Variants in OXR1 observed in about 807,000 individuals in gnomAD.
OXR1 encodes the protein oxidation resistance protein 1.
A neutral mutation model predicts 104.6 loss-of-function variants in OXR1; 41 were observed. That is an observed-to-expected ratio of 0.39 (90% CI 0.31 to 0.51). OXR1 has a LOEUF of 0.51. Ranked by LOEUF, OXR1 falls within the 20% of genes least tolerant of loss-of-function variation. The probability of loss-of-function intolerance (pLI) is 0.77; values close to 1 mark genes in which losing one functional copy is unlikely to be tolerated. For missense variants in OXR1, 955 were observed against 1,031.9 expected (o/e 0.93, Z 1.02); for synonymous variants, 348 against 348.4 (o/e 1.00, Z 0.01).
chr8:106,479,524 A>G (rs1048691118), intron 2 of OXR1, among the ~76,000 whole-genome samples: 1 of 152,008 alleles, frequency 6.6e-6, no homozygotes, highest in African/African-American at 2.4e-5. Flanking sequence ...GCACTATTGC[A>G]TCATTGCTCC....
intron 2 of OXR1, among the ~76,000 whole-genome samples, chr8:106,494,661 A>G (rs1442309332): frequency 2.0e-5 from 3 of 152,312 alleles, no homozygotes; most frequent in South Asian, 2.1e-4. Flanking sequence ...AGTGCTTCTC[A>G]TTTATATATA....
chr8:106,427,817 TG>T (rs1383167576), intron 2 of OXR1, among the ~76,000 whole-genome samples: 1 of 152,118 alleles, frequency 6.6e-6, no homozygotes, highest in Non-Finnish European at 1.5e-5. Flanking sequence ...GTCGGACACC[TG>T]GGGGCACATG....
At chr8:106,512,022 C>T (rs1812564437) in intron 2 of OXR1, among the ~76,000 whole-genome samples, 1 of 152,134 alleles carries the variant, frequency 6.6e-6, no homozygotes, top group African/African-American at 2.4e-5. Flanking sequence ...AATGAATGTT[C>T]ATGTTTGCTT....
At chr8:106,571,963 G>C (rs964348459) in intron 3 of OXR1, among the ~76,000 whole-genome samples, 12 of 152,288 alleles carry the variant, frequency 7.9e-5, no homozygotes, top group African/African-American at 2.6e-4. Context: ...CCTCCAGGTA[G>C]AGATGGCAAT....
chr8:106,730,250 A>C (rs1331690785), intron 11 of OXR1, among the ~76,000 whole-genome samples: 1 of 152,110 alleles, frequency 6.6e-6, no homozygotes, highest in Admixed American at 6.5e-5. Context: ...TGTCATGCAG[A>C]GTCTATAGTT....
chr8:106,525,440 C>A (rs191705121), intron 3 of OXR1, among the ~76,000 whole-genome samples: 2 of 152,220 alleles, frequency 1.3e-5, no homozygotes, highest in Admixed American at 1.3e-4. Flanking sequence ...CTGTTTACCC[C>A]TCACCATAAG....
chr8:106,371,327 G>A (rs922514900), intron 2 of OXR1, among the ~76,000 whole-genome samples: 6 of 150,828 alleles, frequency 4.0e-5, no homozygotes, highest in Non-Finnish European at 7.4e-5. Flanking sequence ...TATTTTGTTA[G>A]TTTTTTCAAA....
chr8:106,596,688 G>C (rs1006881946), intron 3 of OXR1, among the ~76,000 whole-genome samples: 1 of 152,012 alleles, frequency 6.6e-6, no homozygotes, highest in Admixed American at 6.6e-5. Flanking sequence ...TTTTTTAATT[G>C]ACTTTCCCAC....
intron 1 of OXR1, among the ~76,000 whole-genome samples, chr8:106,289,837 G>A (rs1282206413): frequency 2.0e-5 from 3 of 152,040 alleles, no homozygotes; most frequent in Admixed American, 6.6e-5. Context: ...CTGAATCATC[G>A]GGGCTGTTAC....
At position 106,279,731 on chromosome 8, in the gene OXR1, A is replaced by G. The variant is rs571875912; in HGVS notation, c.-139+9364A>G. Among the ~76,000 whole-genome samples the G allele has an allele frequency of 3.9e-5, 6 of 152,330 alleles. No individual in the cohort carries two copies. In the South Asian group the frequency reaches 1.2e-3, roughly 32 times the overall value. ...ATAGTAGTAAGTCCAAATAAGGTAA[A>G]TCTTAAAACAAAACAGAACAAAACT... On this transcript the variant is annotated intron_variant, in intron 1 of 16. Transcript: ENST00000517566.
intron 3 of OXR1, among the ~76,000 whole-genome samples, chr8:106,604,201 C>G (rs1820189858): frequency 6.6e-6 from 1 of 152,126 alleles, no homozygotes; most frequent in Admixed American, 6.5e-5. Flanking sequence ...CTTTTGAAAC[C>G]CCTAACTAAT....
At chr8:106,598,722 G>T (rs918005436) in intron 3 of OXR1, among the ~76,000 whole-genome samples, 1 of 152,182 alleles carries the variant, frequency 6.6e-6, no homozygotes, top group African/African-American at 2.4e-5. Context: ...TAATTTTGAA[G>T]TGATTAATAT....
rs772418097 is a variant in OXR1 at position 106,692,756 on chromosome 8, C to T, written c.554C>T (p.Thr185Ile). Residue 185 changes from threonine (T) to isoleucine (I), a missense_variant, in exon 7 of 17, where the codon ACT becomes ATT. Thr to Ile is a moderately conservative substitution (Grantham distance 89). Coordinates refer to ENST00000517566, the MANE Select transcript of OXR1 (RefSeq NM_001198533.2). Reference sequence around the variant, plus strand: ...CCTGATGTCCATCCAACAGAAGCAACTCCCTCATCTACTTTCACTGGTATT... The same window carrying T: ...CCTGATGTCCATCCAACAGAAGCAATTCCCTCATCTACTTTCACTGGTATT... ...TNPDVHPTEA[T>I]PSSTFTGIRP... 5 of 1,537,314 alleles carry T rather than the reference C, an allele frequency of 3.3e-6. No individual in the cohort carries two copies. Among genetic ancestry groups the T allele is most frequent in the Non-Finnish European group, 4.4e-6 (5 of 1,139,950 alleles).
intron 3 of OXR1, among the ~76,000 whole-genome samples, chr8:106,524,207 G>GT (rs369896361): frequency 2.6e-5 from 4 of 152,276 alleles, no homozygotes; most frequent in African/African-American, 9.6e-5. Context: ...AAGCCAAATA[G>GT]TAGACTCAGA....
chr8:106,670,395 C>A (rs28921388), intron 3 of OXR1, among the ~76,000 whole-genome samples: 1 of 152,010 alleles, frequency 6.6e-6, no homozygotes, highest in Admixed American at 6.6e-5. Context: ...TTTTGTCAGA[C>A]GATTTTGCAA....
intron 4 of OXR1, among the ~76,000 whole-genome samples, chr8:106,682,790 G>A (rs1828308511): frequency 6.6e-6 from 1 of 152,094 alleles, no homozygotes; most frequent in Non-Finnish European, 1.5e-5. Flanking sequence ...TATGCATAAA[G>A]ATCATTTTGA....
intron 1 of OXR1, among the ~76,000 whole-genome samples, chr8:106,331,432 G>A (rs1179029891): frequency 1.3e-5 from 2 of 151,866 alleles, no homozygotes; most frequent in Non-Finnish European, 2.9e-5. Flanking sequence ...TAATTTCTTT[G>A]CAAACTCATT....
chr8:106,451,721 G>C (rs1820324164), intron 2 of OXR1, among the ~76,000 whole-genome samples: 1 of 152,190 alleles, frequency 6.6e-6, no homozygotes, highest in South Asian at 2.1e-4. Flanking sequence ...ATTAGCAATA[G>C]AAGTTTTAAG....
intron 3 of OXR1, among the ~76,000 whole-genome samples, chr8:106,532,157 C>G (rs189963225): frequency 2.0e-5 from 3 of 152,304 alleles, no homozygotes; most frequent in Admixed American, 6.5e-5. Flanking sequence ...CTCTTGGCGT[C>G]TTAGGAACTT....
Sources: gnomAD v4.1 joint callset for allele counts (sites outside exome capture counted in the v4.1 genomes callset) on GRCh38, gnomAD v4.1.1 for gene constraint, MANE v1.5 for transcripts, NCBI Gene and HGNC (gene_info 2026-07-23, HGNC 2026-07-21) for gene names.